The following PIK3R6 variants were observed in gnomAD, a reference collection of about 807,000 sequenced individuals.
PIK3R6 encodes the protein phosphoinositide 3-kinase regulatory subunit 6.
PIK3R6 carries 91 observed loss-of-function variants against 84.9 expected under a neutral mutation model. That is an observed-to-expected ratio of 1.07 (90% CI 0.90 to 1.28). PIK3R6 has a LOEUF of 1.28. PIK3R6 is among the 50% of genes most tolerant of loss of function. The pLI, the probability that PIK3R6 is intolerant of heterozygous loss-of-function variation, is 0.00. For synonymous variants in PIK3R6, 416 were observed against 411.4 expected, an observed-to-expected ratio of 1.01 and a Z score of -0.13; for missense variants, 996 against 985.1, an observed-to-expected ratio of 1.01 and a Z score of -0.15.
intron 1 of PIK3R6, among the ~76,000 whole-genome samples, chr17:8,865,608 GT>G (rs776977752): frequency 1.5e-3 from 211 of 143,144 alleles, no homozygotes; most frequent in Middle Eastern, 3.6e-3. Context: ...TCATAGCTGT[GT>G]TTTTTTTTTT....
intron 11 of PIK3R6, 51 bp from the exon 12 acceptor site, chr17:8,828,241 A>C: frequency 6.4e-7 from 1 of 1,556,326 alleles, no homozygotes; most frequent in South Asian, 1.1e-5. Context: ...CTTGGCTTCA[A>C]ACAGACTCGG....
Position 8,839,571 on chromosome 17 carries a change from T to A in PIK3R6, c.97+43A>T, listed in dbSNP as rs932330482. On this transcript the variant is annotated intron_variant, in intron 3 of 19. Coordinates refer to ENST00000619866, the MANE Select transcript of PIK3R6 (RefSeq NM_001010855.4). This position sits in a 1 kb window ranked among gnomAD's most constrained non-coding sequence, Gnocchi z 4.2. The stretch of plus-strand genomic sequence containing the variant: ...GCGTGTATTGTTGGCTGGGGTTGGG[T>A]GGAGGTCAGAGGGACCAGCTGCTGC... The A allele has an allele frequency of 2.0e-5, 29 of 1,481,964 alleles. No individual in the cohort carries two copies. Among genetic ancestry groups the A allele is most frequent in the Non-Finnish European group, 2.7e-5 (29 of 1,087,632 alleles). 91.8% of individuals were successfully genotyped at this position (1,481,964 alleles called of 1,614,324 possible). A position where few individuals can be genotyped will look rare whatever the true frequency, so the allele number is the denominator to read the frequency against.
chr17:8,805,664 G>T (rs141878266), intron 18 of PIK3R6, among the ~76,000 whole-genome samples: 6 of 151,994 alleles, frequency 3.9e-5, no homozygotes, highest in Non-Finnish European at 8.8e-5. Flanking sequence ...GCCTATAATC[G>T]TAGCACTTTG....
At chr17:8,855,473 A>G (rs2089113245) in intron 1 of PIK3R6, among the ~76,000 whole-genome samples, 1 of 152,240 alleles carries the variant, frequency 6.6e-6, no homozygotes, top group Non-Finnish European at 1.5e-5. Flanking sequence ...GCTCAATGCT[A>G]TCAGCAGTTT....
chr17:8,832,634 C>T (rs997672623), intron 9 of PIK3R6, among the ~76,000 whole-genome samples: 8 of 151,366 alleles, frequency 5.3e-5, no homozygotes, highest in Non-Finnish European at 1.2e-4. Flanking sequence ...GAAACCCTGA[C>T]CTCAGGTGAT....
At chr17:8,824,421 G>A (rs980535328) in intron 13 of PIK3R6, among the ~76,000 whole-genome samples, 2 of 152,220 alleles carry the variant, frequency 1.3e-5, no homozygotes, top group Non-Finnish European at 2.9e-5. Flanking sequence ...AGGGCTAGAA[G>A]GAAGCTCAGA....
intron 2 of PIK3R6, among the ~76,000 whole-genome samples, chr17:8,843,228 G>A (rs893193355): frequency 6.6e-6 from 1 of 152,160 alleles, no homozygotes; most frequent in African/African-American, 2.4e-5. Context: ...GTTAATGCAG[G>A]ATGAGTTATT....
intron 1 of PIK3R6, among the ~76,000 whole-genome samples, chr17:8,858,611 T>G (rs2089200291): frequency 6.6e-6 from 1 of 152,132 alleles, no homozygotes; most frequent in Non-Finnish European, 1.5e-5. Flanking sequence ...GCCAGGCGCC[T>G]GGCTGTTTTC....
Position 8,825,288 on chromosome 17 carries a change from T to C in PIK3R6, c.1516-1791A>G, listed in dbSNP as rs942273609. On this transcript the variant is annotated intron_variant, in intron 13 of 19. Transcript: ENST00000619866. ...TCCCCAAATTTCAATCGAAATCCAA[T>C]AGGATTAAAAATAATAACAAAAACA... Among the ~76,000 whole-genome samples the C allele has an allele frequency of 3.9e-5, 6 of 152,232 alleles. No individual in the cohort carries two copies. The East Asian group carries it at 7.7e-4, about 20-fold the overall frequency.
intron 18 of PIK3R6, among the ~76,000 whole-genome samples, chr17:8,816,220 G>C (rs1431266019): frequency 6.6e-6 from 1 of 152,128 alleles, no homozygotes; most frequent in Non-Finnish European, 1.5e-5. Context: ...AGAAATAAAA[G>C]AAAGAATAAA....
At position 8,828,548 on chromosome 17, in the gene PIK3R6, C is replaced by T. The variant is rs2088030884; in HGVS notation, c.1313+19G>A. On this transcript the variant is annotated intron_variant, in intron 11 of 19. Coordinates refer to ENST00000619866, the MANE Select transcript of PIK3R6 (RefSeq NM_001010855.4). ...CCCCTGACCAGCGCCCACCCCCAGC[C>T]CCCACGTCGGGGCCCCACCTGAGTC... The T allele has an allele frequency of 6.2e-7, 1 of 1,608,832 alleles. No individual in the cohort carries two copies. Among genetic ancestry groups the T allele is most frequent in the Non-Finnish European group, 8.5e-7 (1 of 1,178,866 alleles).
At chr17:8,819,008 C>A in intron 18 of PIK3R6, 75 bp downstream of exon 18, 1 of 1,138,526 alleles carries the variant, frequency 8.8e-7, no homozygotes, top group Non-Finnish European at 1.2e-6. Context: ...TCTGAATGCC[C>A]TCCCCTCTGG....
chr17:8,828,024 G>A (rs139107090), intron 12 of PIK3R6, 88 bp downstream of exon 12: 205 of 1,360,426 alleles, frequency 1.5e-4, no homozygotes, highest in Middle Eastern at 4.2e-4. Flanking sequence ...CCCTGAGCCG[G>A]GGATGTGGGG....
rs527584967 is a variant in PIK3R6, at chr17:8,834,510, C to T, written c.645+763G>A. 2.2e-4 allele frequency among the ~76,000 whole-genome samples: 33 copies of T among 151,574 alleles called. No homozygotes were observed. The South Asian group carries it at 3.1e-3, about 14-fold the overall frequency. ...TGGCTCAAGTGATCCTCTTGTCTTC[C>T]GAGTAGCTGGGACTGCAAACACATG... On this transcript the variant is annotated intron_variant, in intron 8 of 19. Transcript: ENST00000619866.
At chr17:8,841,104 T>G (rs2088664701) in intron 2 of PIK3R6, among the ~76,000 whole-genome samples, 1 of 151,534 alleles carries the variant, frequency 6.6e-6, no homozygotes, top group Non-Finnish European at 1.5e-5. Flanking sequence ...TAAAACTTAT[T>G]TATTTTATTT....
At chr17:8,855,194 G>GAAACA (rs71361831) in intron 1 of PIK3R6, among the ~76,000 whole-genome samples, 2,336 of 144,678 alleles carry the variant, frequency 0.016, 17 homozygotes, top group African/African-American at 0.016. Flanking sequence ...CTCCATCTCA[G>GAAACA]AAACAAAACA....
chr17:8,846,001 T>C (rs1396662100), intron 2 of PIK3R6, among the ~76,000 whole-genome samples: 1 of 152,170 alleles, frequency 6.6e-6, no homozygotes, highest in Non-Finnish European at 1.5e-5. Context: ...TCGATTTTTG[T>C]TTTTGTTGCA....
intron 18 of PIK3R6, among the ~76,000 whole-genome samples, chr17:8,804,451 G>C (rs1226859698): frequency 6.6e-6 from 1 of 152,218 alleles, no homozygotes; most frequent in Non-Finnish European, 1.5e-5. Flanking sequence ...GAACTCGAGT[G>C]TTGATTTCTT....
intron 9 of PIK3R6, among the ~76,000 whole-genome samples, chr17:8,832,273 A>G (rs973459605): frequency 2.6e-5 from 4 of 152,048 alleles, no homozygotes; most frequent in Non-Finnish European, 4.4e-5. Context: ...AATACAGTAT[A>G]CGCAATATAT....
Sources: allele counts gnomAD v4.1 joint callset (sites outside exome capture counted in the v4.1 genomes callset), GRCh38; gene constraint gnomAD v4.1.1; non-coding constraint Gnocchi (gnomAD v3.1); transcripts MANE v1.5; gene names NCBI Gene and HGNC (gene_info 2026-07-23, HGNC 2026-07-21).